The following FSTL5 variants were observed in gnomAD, a reference collection of about 807,000 sequenced individuals.
FSTL5 encodes follistatin-related protein 5.
Under a neutral mutation model 89.1 loss-of-function variants are expected in FSTL5, and 62 were observed. The ratio of observed to expected loss-of-function variants is 0.70; its 90% CI spans 0.57 to 0.86. FSTL5 has a LOEUF of 0.86. Among genes scored for constraint, FSTL5 ranks in the 40% least tolerant of loss-of-function variants. The pLI, the probability that FSTL5 is intolerant of heterozygous loss-of-function variation, is 0.00. For synonymous variants in FSTL5, 383 were observed against 346.2 expected (o/e 1.11, Z -1.18); for missense variants, 1,057 against 1,001.6 (o/e 1.06, Z -0.75).
At chr4:161,515,367 TTTG>T (rs1405291086) in intron 10 of FSTL5, among the ~76,000 whole-genome samples, 2 of 151,862 alleles carry the variant, frequency 1.3e-5, no homozygotes, top group Non-Finnish European at 2.9e-5. Context: ...CCAGCTATTT[TTTG>T]TTGTTGTTGT....
chr4:161,923,910 A>C (rs1038176185), intron 3 of FSTL5, among the ~76,000 whole-genome samples: 1 of 151,852 alleles, frequency 6.6e-6, no homozygotes, highest in Non-Finnish European at 1.5e-5. Flanking sequence ...CAATTAAACG[A>C]AATTTAATTA....
chr4:161,530,815 C>T (rs1731386603), intron 10 of FSTL5, among the ~76,000 whole-genome samples: 1 of 152,014 alleles, frequency 6.6e-6, no homozygotes, highest in Admixed American at 6.6e-5. Context: ...CTGTAGAAGC[C>T]TATGTTCACA....
At chr4:161,532,747 C>G (rs13124453) in intron 10 of FSTL5, among the ~76,000 whole-genome samples, 5 of 152,046 alleles carry the variant, frequency 3.3e-5, no homozygotes, top group Non-Finnish European at 5.9e-5. Context: ...GGACCTAATA[C>G]AAAGCTACAG....
intron 13 of FSTL5, among the ~76,000 whole-genome samples, chr4:161,471,833 C>T (rs1343718526): frequency 1.3e-5 from 2 of 152,086 alleles, no homozygotes; most frequent in African/African-American, 4.8e-5. Context: ...TGACAACATA[C>T]AATTGTTCAT....
At chr4:162,129,938 G>T (rs990693022) in intron 1 of FSTL5, among the ~76,000 whole-genome samples, 1 of 152,136 alleles carries the variant, frequency 6.6e-6, no homozygotes, top group Non-Finnish European at 1.5e-5. Context: ...TTTTAAAGAA[G>T]CAACATGCTA....
chr4:161,799,589 G>A (rs959603818), intron 4 of FSTL5, among the ~76,000 whole-genome samples: 7 of 151,518 alleles, frequency 4.6e-5, no homozygotes, highest in African/African-American at 1.7e-4. Context: ...TATATGACTT[G>A]CTTGACTCCA....
intron 2 of FSTL5, among the ~76,000 whole-genome samples, chr4:162,104,490 A>G (rs1731134491): frequency 6.6e-6 from 1 of 152,202 alleles, no homozygotes; most frequent in Admixed American, 6.5e-5. Flanking sequence ...TAACACTATA[A>G]TAAAGAGAAT....
At chr4:161,591,218 C>T (rs942155438) in intron 7 of FSTL5, among the ~76,000 whole-genome samples, 1 of 152,094 alleles carries the variant, frequency 6.6e-6, no homozygotes, top group African/African-American at 2.4e-5. Flanking sequence ...CAAAAAGCCA[C>T]AAATTTTACG....
chr4:162,100,589 T>C (rs61622645), intron 2 of FSTL5, among the ~76,000 whole-genome samples: 7,153 of 152,282 alleles, frequency 0.047, 367 homozygotes, highest in East Asian at 0.27. Context: ...TAGTGGTGGA[T>C]ACATGTCATT....
At chr4:161,872,467 G>A (rs1235579818) in intron 4 of FSTL5, among the ~76,000 whole-genome samples, 1 of 152,026 alleles carries the variant, frequency 6.6e-6, no homozygotes, top group East Asian at 1.9e-4. Flanking sequence ...CACATTTCTG[G>A]ACTCCTTTCC....
chr4:162,039,888 CTGA>C (rs1560986019), intron 2 of FSTL5, among the ~76,000 whole-genome samples: 1 of 152,002 alleles, frequency 6.6e-6, no homozygotes, highest in African/African-American at 2.4e-5. Context: ...CTACAGTAAA[CTGA>C]TGATATAATT....
chr4:161,842,165 A>G (rs911689013), intron 4 of FSTL5, among the ~76,000 whole-genome samples: 29 of 152,172 alleles, frequency 1.9e-4, no homozygotes, highest in African/African-American at 7.0e-4. Context: ...TTCCGTGTGT[A>G]ATTAAGAAGG....
intron 15 of FSTL5, among the ~76,000 whole-genome samples, chr4:161,416,806 C>T (rs1731803367): frequency 6.6e-6 from 1 of 150,608 alleles, no homozygotes; most frequent in African/African-American, 2.4e-5. Flanking sequence ...GATCATGCCA[C>T]CACACTCCAG....
At chr4:161,779,744 G>C (rs1741550911) in intron 4 of FSTL5, among the ~76,000 whole-genome samples, 1 of 55,226 alleles carries the variant, frequency 1.8e-5, no homozygotes, top group African/African-American at 1.4e-4. Flanking sequence ...ATTTGTCCAA[G>C]GATTATTTGT....
intron 11 of FSTL5, among the ~76,000 whole-genome samples, chr4:161,509,625 G>C (rs556903392): frequency 1.3e-5 from 2 of 152,270 alleles, no homozygotes; most frequent in South Asian, 2.1e-4. Context: ...CCTACAGGAA[G>C]CTATAATCAG....
chr4:161,462,164 T>C (rs1203472344), intron 13 of FSTL5, among the ~76,000 whole-genome samples: 1 of 152,202 alleles, frequency 6.6e-6, no homozygotes, highest in Non-Finnish European at 1.5e-5. Context: ...GAATCAGTCT[T>C]GTTGGAGGTC....
chr4:161,636,848 A>T (rs1735735548), intron 7 of FSTL5, among the ~76,000 whole-genome samples: 1 of 110,958 alleles, frequency 9.0e-6, no homozygotes, highest in Non-Finnish European at 1.8e-5. Context: ...ACATTTTCTT[A>T]ATCCAGTCTA....
At chr4:162,153,664 ATATGTATATT>A (rs1561048806) in intron 1 of FSTL5, among the ~76,000 whole-genome samples, 1 of 84,264 alleles carries the variant, frequency 1.2e-5, no homozygotes, top group Admixed American at 1.1e-4. Context: ...TGTATATAAT[ATATGTATATT>A]ATATATGTAT....
intron 1 of FSTL5, among the ~76,000 whole-genome samples, chr4:162,131,831 T>C (rs1292262054): frequency 1.3e-5 from 2 of 152,206 alleles, no homozygotes; most frequent in South Asian, 4.1e-4. Flanking sequence ...CAGCAGACCT[T>C]ATACCATATT....
Sources: allele counts gnomAD v4.1 joint callset (sites outside exome capture counted in the v4.1 genomes callset), GRCh38; gene constraint gnomAD v4.1.1; transcripts MANE v1.5; gene names NCBI Gene and HGNC (gene_info 2026-07-23, HGNC 2026-07-21).